Variants in ACP2 observed in about 807,000 individuals in gnomAD.
ACP2 encodes acid phosphatase 2, lysosomal.
ACP2 carries 35 observed loss-of-function variants against 54.7 expected under a neutral mutation model. The observed-to-expected ratio is 0.64, with a 90% CI of 0.49 to 0.85. The LOEUF is 0.85. Among genes scored for constraint, ACP2 ranks in the 40% least tolerant of loss-of-function variants. The pLI, the probability that ACP2 is intolerant of heterozygous loss-of-function variation, is 0.00. For synonymous variants in ACP2, 210 were observed against 224.4 expected, an observed-to-expected ratio of 0.94 and a Z score of 0.57; for missense variants, 492 against 565.0, an observed-to-expected ratio of 0.87 and a Z score of 1.31.
At chr11:47,246,579 T>C (rs568829608) in intron 3 of ACP2, among the ~76,000 whole-genome samples, 1 of 151,516 alleles carries the variant, frequency 6.6e-6, no homozygotes, top group East Asian at 2.0e-4. Context: ...CTTTAAAATA[T>C]ATGTATATAT....
In ACP2 at chr11:47,248,741, G is replaced by A. The variant is rs912704849; in HGVS notation, c.49C>T (p.Leu17Phe). The A allele has an allele frequency of 3.1e-6, 5 of 1,609,388 alleles. No individual in the cohort carries two copies. The highest frequency in any genetic ancestry group is 4.5e-5 in the East Asian group (2 of 44,726). The change falls in exon 1 of 11, where the codon CTT becomes TTT. Residue 17 changes from leucine (L) to phenylalanine (F), a missense_variant. Transcript: ENST00000672073. ...GWSRAALLQLLLGVNLVVMPP... is the reference protein window; with the variant it reads ...GWSRAALLQLFLGVNLVVMPP... Reference sequence around the variant, plus strand: ...ATCACCACCAGGTTCACGCCGAGAAGGAGCTGGAGGAGAGCCGCCCGGCTC... The same window carrying A: ...ATCACCACCAGGTTCACGCCGAGAAAGAGCTGGAGGAGAGCCGCCCGGCTC...
rs931544360 is a variant in ACP2 at position 47,242,865 on chromosome 11, C to G, written c.996G>C (p.Glu332Asp). Reference sequence around the variant, plus strand: ...TGAGCGGCCAGGGGGCCTTGTCACTCTCGTTCCGAAAGTACATCTCCACTG... The same window carrying G: ...TGAGCGGCCAGGGGGCCTTGTCACTGTCGTTCCGAAAGTACATCTCCACTG... ...NFSVEMYFRN[E>D]SDKAPWPLSL... The change falls in exon 10 of 11, where the codon GAG becomes GAC. Residue 332 changes from glutamate (E) to aspartate (D), a missense_variant. Physicochemically the swap from Glu to Asp is conservative, Grantham distance 45. Transcript: ENST00000672073. The G allele has an allele frequency of 1.2e-6, 2 of 1,613,768 alleles. No homozygotes were observed. Among genetic ancestry groups the G allele is most frequent in the Admixed American group, 3.3e-5 (2 of 60,024 alleles).
At chr11:47,247,870 A>G in intron 2 of ACP2, 143 bp from the exon 3 acceptor site, 1 of 909,762 alleles carries the variant, frequency 1.1e-6, no homozygotes. Flanking sequence ...TTAAGTGGCC[A>G]GTCATGCACA....
Position 47,247,694 on chromosome 11 carries a change from C to T in ACP2, c.244G>A (p.Ala82Thr), listed in dbSNP as rs1954227830. ...AAGCCGTGATAGCGCTGCCGCAGGG[C>T]CTGGCCCAGTTCCCAGTGCTGTAGC... ...GMLQHWELGQ[A>T]LRQRYHGFLN... The change falls in exon 3 of 11, where the codon GCC becomes ACC. Residue 82 changes from alanine to threonine, a missense_variant. Ala to Thr is a moderately conservative substitution (Grantham distance 58, BLOSUM62 0). Transcript: ENST00000672073. 2 of 1,614,048 alleles carry T rather than the reference C, an allele frequency of 1.2e-6. No homozygotes were observed. Among genetic ancestry groups the T allele is most frequent in the Middle Eastern group, 1.7e-4 (1 of 5,884 alleles).
chr11:47,243,830 C>T (rs961477837), intron 7 of ACP2, among the ~76,000 whole-genome samples: 2 of 151,966 alleles, frequency 1.3e-5, no homozygotes, highest in African/African-American at 4.8e-5. Flanking sequence ...CTGATGTGGG[C>T]GAAACTTAAG....
rs762560228 is a variant in ACP2 at position 47,244,800 on chromosome 11, T to A, written c.707A>T (p.Lys236Met). 1 of 1,613,150 alleles carries A rather than the reference T, an allele frequency of 6.2e-7. No individual in the cohort carries two copies. Among genetic ancestry groups the A allele is most frequent in the Non-Finnish European group, 8.5e-7 (1 of 1,179,296 alleles). ...GAAGAGGAAGCGGAAGCTGAAGTCC[T>A]TTAGCCGGCTGAGACGCTGCATGGT... ...PQTMQRLSRLKDFSFRFLFGI... is the reference protein window; with the variant it reads ...PQTMQRLSRLMDFSFRFLFGI... The change falls in exon 7 of 11, where the codon AAG (lysine) becomes ATG (methionine). Residue 236 changes from lysine (K) to methionine (M), a missense_variant. Physicochemically the swap from Lys to Met is moderately conservative, Grantham distance 95 (BLOSUM62 -1). Coordinates refer to ENST00000672073, the MANE Select transcript of ACP2 (RefSeq NM_001610.4).
In ACP2 at chr11:47,247,659, G is replaced by A. The variant is rs1954222384; in HGVS notation, c.279C>T (p.Thr93=). Residue 93 remains threonine, a synonymous_variant, in exon 3 of 11, where the codon ACC becomes ACT. Transcript: ENST00000672073. ...ACCTTACCTCTTGCCGGTGATAAGA[G>A]GTGTTTAGGAAGCCGTGATAGCGCT... ...LRQRYHGFLN[T]SYHRQEVYVR... 2 of 1,614,232 alleles carry A rather than the reference G, an allele frequency of 1.2e-6. No homozygotes were observed. Among genetic ancestry groups the A allele is most frequent in the Non-Finnish European group, 1.7e-6 (2 of 1,180,048 alleles).
intron 2 of ACP2, 119 bp downstream of exon 2, chr11:47,247,919 G>A (rs886514848): frequency 4.1e-5 from 41 of 999,190 alleles, no homozygotes; most frequent in African/African-American, 4.9e-5. Flanking sequence ...TATGAAATCT[G>A]GTCAAAGTCA....
intron 1 of ACP2, chr11:47,248,356 G>T: frequency 2.3e-6 from 3 of 1,307,744 alleles, no homozygotes; most frequent in South Asian, 1.3e-5. Context: ...CAAGGTACAG[G>T]TAGGAAGGGA....
chr11:47,240,909 T>C (rs915489859), intron 10 of ACP2, among the ~76,000 whole-genome samples: 43 of 151,590 alleles, frequency 2.8e-4, no homozygotes, highest in African/African-American at 8.2e-4. Flanking sequence ...GAAGGCATCA[T>C]TGAGAAAGTG....
chr11:47,244,703 G>A (rs772423533), intron 7 of ACP2, 32 bp downstream of exon 7: 7 of 1,555,740 alleles, frequency 4.5e-6, no homozygotes, highest in South Asian at 3.5e-5. Context: ...GGGTCCTGAG[G>A]AGTAGAGTGA....
chr11:47,243,270 G>A lies in ACP2; in HGVS notation c.824C>T (p.Ser275Phe). ...GTAAACCAGCAGCTTGGGGAGCTGGGAGGTGGTCGCCATTAGGGTCAGGTT... is the reference window on the plus strand; with the variant it reads ...GTAAACCAGCAGCTTGGGGAGCTGGAAGGTGGTCGCCATTAGGGTCAGGTT... Reference protein sequence around the residue: ...RKNLTLMATTSQLPKLLVYSA... With the variant: ...RKNLTLMATTFQLPKLLVYSA... The change falls in exon 8 of 11, where the codon TCC (serine) becomes TTC (phenylalanine). Residue 275 changes from serine (S) to phenylalanine (F), a missense_variant. Ser to Phe is a radical substitution (Grantham distance 155, BLOSUM62 -2). Transcript: ENST00000672073. 1 of 1,614,262 alleles carries A rather than the reference G, an allele frequency of 6.2e-7. No individual in the cohort carries two copies. The highest frequency in any genetic ancestry group is 8.5e-7 in the Non-Finnish European group (1 of 1,180,046).
intron 3 of ACP2, 78 bp from the exon 4 acceptor site, chr11:47,245,912 G>A: frequency 7.0e-7 from 1 of 1,435,098 alleles, no homozygotes; most frequent in Non-Finnish European, 9.2e-7. Flanking sequence ...ACCCTGAAGT[G>A]GAGCCTTGTA....
rs1380507536 is a variant in ACP2, at chr11:47,245,781, GT to G, written c.350del (p.Asn117ThrfsTer36). On this transcript the variant is annotated frameshift_variant, in exon 4 of 11. Coordinates refer to ENST00000672073, the MANE Select transcript of ACP2 (RefSeq NM_001610.4). LOFTEE classifies it high-confidence loss of function. Reference protein sequence around the residue: ...FDRTLMSAEANLAGLFPPNGM... With the variant: ...FDRTLMSAEAXLAGLFPPNGM... ...CGTTGGGAGGGAAGAGTCCAGCCAG[GT>G]TGGCCTCAGCACTCATGAGAGTCCG... is the stretch of plus-strand genomic sequence containing the variant. 1 of 1,610,536 alleles carries G rather than the reference GT, an allele frequency of 6.2e-7. No individual in the cohort carries two copies. Among genetic ancestry groups the G allele is most frequent in the Non-Finnish European group, 8.5e-7 (1 of 1,178,282 alleles).
At position 47,240,262 on chromosome 11, in the gene ACP2, G is replaced by C. The variant is rs758604947; in HGVS notation, c.1139-13C>G. The C allele has an allele frequency of 3.0e-6, 4 of 1,324,202 alleles. No individual in the cohort carries two copies. In the African/African-American group the frequency reaches 5.8e-5, roughly 19 times the overall value. 82.0% of individuals were successfully genotyped at this position (1,324,202 alleles called of 1,614,324 possible). A position where few individuals can be genotyped will look rare whatever the true frequency, so the allele number is the denominator to read the frequency against. On this transcript the variant is annotated splice_polypyrimidine_tract_variant and intron_variant, in intron 10 of 10. Transcript: ENST00000672073. ...GCCACAATCACCTCTGGGCATGGGG[G>C]AGGCAAGAGAAAGGTCATGTCAGCG...
intron 10 of ACP2, among the ~76,000 whole-genome samples, chr11:47,242,252 A>G (rs927002751): frequency 6.6e-6 from 1 of 152,210 alleles, no homozygotes; most frequent in Non-Finnish European, 1.5e-5. Flanking sequence ...GTCTAAGAGA[A>G]CAAGTGGTGA....
intron 7 of ACP2, 70 bp downstream of exon 7, chr11:47,244,665 G>GC (rs976062310): frequency 8.1e-7 from 1 of 1,236,730 alleles, no homozygotes; most frequent in African/African-American, 1.5e-5. Flanking sequence ...TGTGTGAGAA[G>GC]CCCCCACAGC....
Position 47,245,469 on chromosome 11 carries a change from C to A in ACP2, c.549+5G>T, listed in dbSNP as rs764658808. 1 of 1,614,118 alleles carries A rather than the reference C, an allele frequency of 6.2e-7. No homozygotes were observed. The highest frequency in any genetic ancestry group is 1.3e-5 in the African/African-American group (1 of 74,942). On this transcript the variant is annotated splice_donor_5th_base_variant and intron_variant, in intron 5 of 10. Transcript: ENST00000672073. ...GTGGTGAGCTGCACCTCTGCCCCCA[C>A]TCACTGCATTCCGAGAACTCTCATT...
intron 3 of ACP2, among the ~76,000 whole-genome samples, chr11:47,246,865 G>A (rs959543861): frequency 7.2e-5 from 11 of 151,912 alleles, no homozygotes; most frequent in African/African-American, 2.4e-4. Flanking sequence ...AACACAGCAA[G>A]ACTCTGTCTC....
Sources: gnomAD v4.1 joint callset for allele counts (sites outside exome capture counted in the v4.1 genomes callset) on GRCh38, gnomAD v4.1.1 for gene constraint, MANE v1.5 for transcripts, NCBI Gene and HGNC (gene_info 2026-07-23, HGNC 2026-07-21) for gene names.